The following HRC variants were observed in gnomAD, a reference collection of about 807,000 sequenced individuals.
HRC encodes the protein sarcoplasmic reticulum histidine-rich calcium-binding protein.
HRC carries 41 observed loss-of-function variants against 61.4 expected under a neutral mutation model. The ratio of observed to expected loss-of-function variants is 0.67; its 90% CI spans 0.52 to 0.87. The LOEUF is 0.87. HRC is among the 40% of genes least tolerant of loss of function. The probability of loss-of-function intolerance (pLI) is 0.00; values close to 1 mark genes in which losing one functional copy is unlikely to be tolerated. For synonymous variants in HRC, 308 were observed against 326.6 expected (o/e 0.94, Z 0.62); for missense variants, 839 against 885.8 (o/e 0.95, Z 0.67).
In HRC at chr19:49,155,003, C is replaced by T. The variant is rs1443429946; in HGVS notation, c.235G>A (p.Gly79Arg). ...DENKDVSTEN[G>R]HHFWSHPDRE... ...TCTGGGTGGCTCCAGAAATGATGCCCATTCTCTGTGGAAACATCCTTGTTC... is the reference window on the plus strand; with the variant it reads ...TCTGGGTGGCTCCAGAAATGATGCCTATTCTCTGTGGAAACATCCTTGTTC... The change falls in exon 1 of 6, where the codon GGG (glycine) becomes AGG (arginine). Residue 79 changes from glycine to arginine, a missense_variant. Coordinates refer to ENST00000252825, the MANE Select transcript of HRC (RefSeq NM_002152.3). This position sits in a 1 kb window ranked among gnomAD's most constrained non-coding sequence, Gnocchi z 4.7. The T allele has an allele frequency of 1.2e-6, 2 of 1,614,098 alleles. No homozygotes were observed. The highest frequency in any genetic ancestry group is 3.3e-5 in the Admixed American group (2 of 59,992).
In HRC at chr19:49,154,775, G is replaced by A; in HGVS notation, c.463C>T (p.His155Tyr). The change falls in exon 1 of 6, where the codon CAC (histidine) becomes TAC (tyrosine). Residue 155 changes from histidine to tyrosine, a missense_variant. His to Tyr is a moderately conservative substitution (Grantham distance 83). Coordinates refer to ENST00000252825, the MANE Select transcript of HRC (RefSeq NM_002152.3). Reference protein sequence around the residue: ...SAEHRHHLPSHRSHSHQDEDE... With the variant: ...SAEHRHHLPSYRSHSHQDEDE... ...TCGTCTTGATGGCTGTGGCTCCTGTGGCTGGGGAGGTGGTGCCTGTGCTCA... is the reference window on the plus strand; with the variant it reads ...TCGTCTTGATGGCTGTGGCTCCTGTAGCTGGGGAGGTGGTGCCTGTGCTCA... 1 of 1,613,890 alleles carries A rather than the reference G, an allele frequency of 6.2e-7. No homozygotes were observed. Among genetic ancestry groups the A allele is most frequent in the Non-Finnish European group, 8.5e-7 (1 of 1,179,970 alleles).
chr19:49,152,593 G>A (rs981308427), intron 2 of HRC, among the ~76,000 whole-genome samples: 38 of 150,070 alleles, frequency 2.5e-4, no homozygotes, highest in Middle Eastern at 3.4e-3. Flanking sequence ...TTCTTGAGGC[G>A]GAGTCTCTCT....
chr19:49,151,955 T>G (rs368946949), intron 4 of HRC, 49 bp downstream of exon 4: 47 of 1,583,200 alleles, frequency 3.0e-5, no homozygotes, highest in Non-Finnish European at 3.9e-5. Context: ...TTCACCACGC[T>G]GGGCCCGGCA....
rs748592359 is a variant in HRC, at chr19:49,153,512, C to G, written c.1726G>C (p.Gly576Arg). Residue 576 changes from glycine (G) to arginine (R), a missense_variant, in exon 1 of 6, where the codon GGG (glycine) becomes CGG (arginine). Gly to Arg is a moderately radical substitution (Grantham distance 125). Transcript: ENST00000252825. This position sits in a 1 kb window ranked among gnomAD's most constrained non-coding sequence, Gnocchi z 4.8. ...AAGCGGGGCTCATCTTCCTCCAGCC[C>G]CTCCTCCTCCTCCTCTTCCTCCTCG... ...HSEEEEEEEEGLEEDEPRFTI... is the reference protein window; with the variant it reads ...HSEEEEEEEERLEEDEPRFTI... 2.6e-6 allele frequency: 4 copies of G among 1,526,968 alleles called. No homozygotes were observed. The South Asian group carries it at 5.1e-5, about 19-fold the overall frequency. 94.6% of individuals were successfully genotyped at this position (1,526,968 alleles called of 1,614,324 possible). A position where few individuals can be genotyped will look rare whatever the true frequency, so the allele number is the denominator to read the frequency against.
In HRC at chr19:49,151,249, T is replaced by C; in HGVS notation, c.*47A>G. On this transcript the variant is annotated 3_prime_UTR_variant, in exon 6 of 6. Coordinates refer to ENST00000252825, the MANE Select transcript of HRC (RefSeq NM_002152.3). ...AATAAATATAGCTCGTGGAAAGGGG[T>C]TGGAAGGCAGGGGGAGGTACACCTG... 1 of 1,475,890 alleles carries C rather than the reference T, an allele frequency of 6.8e-7. No homozygotes were observed. The highest frequency in any genetic ancestry group is 9.2e-7 in the Non-Finnish European group (1 of 1,092,840). 91.4% of individuals were successfully genotyped at this position (1,475,890 alleles called of 1,614,324 possible).
chr19:49,155,292 G>A lies in HRC; in HGVS notation c.-55C>T, dbSNP rs1049421351. 5.9e-6 allele frequency: 9 copies of A among 1,525,976 alleles called. No homozygotes were observed. Among genetic ancestry groups the A allele is most frequent in the South Asian group, 3.8e-5 (3 of 78,078 alleles). The allele number at this position is 1,525,976 out of a possible 1,614,324, so 94.5% of individuals were successfully genotyped here. On this transcript the variant is annotated 5_prime_UTR_variant, in exon 1 of 6. The change creates a new upstream start codon in the 5' untranslated region. Coordinates refer to ENST00000252825, the MANE Select transcript of HRC (RefSeq NM_002152.3). This position sits in a 1 kb window ranked among gnomAD's most constrained non-coding sequence, Gnocchi z 4.7. ...TGCCTCTGCGGCAATGTGGACAAAC[G>A]TTGGGGTCTTTGTCCCTTTGGGGTT...
Position 49,153,534 on chromosome 19 carries a change from C to G in HRC, c.1704G>C (p.Glu568Asp). The G allele has an allele frequency of 6.3e-7, 1 of 1,578,838 alleles. No individual in the cohort carries two copies. The highest frequency in any genetic ancestry group is 8.6e-7 in the Non-Finnish European group (1 of 1,162,166). The change falls in exon 1 of 6, where the codon GAG becomes GAC. Residue 568 changes from glutamate (E) to aspartate (D), a missense_variant. By Grantham distance (45) the Glu-to-Asp change is conservative. Transcript: ENST00000252825. The surrounding 1 kb of genome is among the most constrained non-coding windows in gnomAD (Gnocchi z 4.8). ...GCCCCTCCTCCTCCTCCTCTTCCTC[C>G]TCGCTGTGGTCTGGGCTCAGTGGGG... ...VGAPLSPDHS[E>D]EEEEEEEGLE...
chr19:49,154,041 G>A lies in HRC; in HGVS notation c.1197C>T (p.His399=). ...CTTGGAAGTCCTCTTCATCACTCTTGTGGCCTCGAGGTTGGTGGCTTGCAA... is the reference window on the plus strand; with the variant it reads ...CTTGGAAGTCCTCTTCATCACTCTTATGGCCTCGAGGTTGGTGGCTTGCAA... ...HYVASHQPRG[H]KSDEEDFQDE... is the part of the protein sequence containing the mutation. Residue 399 remains histidine, a synonymous_variant, in exon 1 of 6, where the codon CAC becomes CAT. Transcript: ENST00000252825. 6.2e-7 allele frequency: 1 copy of A among 1,614,120 alleles called. No homozygotes were observed. The highest frequency in any genetic ancestry group is 8.5e-7 in the Non-Finnish European group (1 of 1,180,040).
chr19:49,151,539 AGTC>A lies in HRC; in HGVS notation c.2038_2040del (p.Asp680del). The A allele has an allele frequency of 6.2e-7, 1 of 1,613,878 alleles. No individual in the cohort carries two copies. Among genetic ancestry groups the A allele is most frequent in the South Asian group, 1.1e-5 (1 of 91,062 alleles). On this transcript the variant is annotated inframe_deletion, in exon 5 of 6. Transcript: ENST00000252825. The stretch of plus-strand genomic sequence containing the variant: ...TACTGATAAAGGGACGAGGAGAAAT[AGTC>A]AACGTAGCTTCCTGTGGGACAGCAG...
rs761585860 is a variant in HRC, at chr19:49,154,345, CGG to C, written c.891_892del (p.His297GlnfsTer4). 1 of 1,581,986 alleles carries C rather than the reference CGG, an allele frequency of 6.3e-7. No homozygotes were observed. The highest frequency in any genetic ancestry group is 1.7e-5 in the African/African-American group (1 of 57,678). Reference sequence around the variant, plus strand: ...ATCATTGTCATCTTCTTCATGGCTTCGGTGCCTGTGGCTGGGGTCGCGATGAT... The same window carrying C: ...ATCATTGTCATCTTCTTCATGGCTTCTGCCTGTGGCTGGGGTCGCGATGAT... On this transcript the variant is annotated frameshift_variant, in exon 1 of 6. Transcript: ENST00000252825. LOFTEE classifies it high-confidence loss of function.
At position 49,154,069 on chromosome 19, in the gene HRC, T is replaced by C. The variant is rs371551481; in HGVS notation, c.1169A>G (p.Tyr390Cys). Residue 390 changes from tyrosine to cysteine, a missense_variant, in exon 1 of 6, where the codon TAT (tyrosine) becomes TGT (cysteine). By Grantham distance (194) the Tyr-to-Cys change is radical. Transcript: ENST00000252825. Reference protein sequence around the residue: ...EEEITVQFGHYVASHQPRGHK... With the variant: ...EEEITVQFGHCVASHQPRGHK... ...GCCTCGAGGTTGGTGGCTTGCAACA[T>C]AGTGGCCGAACTGGACTGTGATCTC... is the stretch of plus-strand genomic sequence containing the variant. 2 of 1,614,056 alleles carry C rather than the reference T, an allele frequency of 1.2e-6. No homozygotes were observed. Among genetic ancestry groups the C allele is most frequent in the Non-Finnish European group, 1.7e-6 (2 of 1,180,042 alleles).
At chr19:49,151,624 C>G in intron 4 of HRC, 71 bp from the exon 5 acceptor site, 1 of 1,364,066 alleles carries the variant, frequency 7.3e-7, no homozygotes, top group Non-Finnish European at 1.0e-6. Flanking sequence ...CTCAGTATAG[C>G]GTGCGAGATT....
At position 49,155,120 on chromosome 19, in the gene HRC, G is replaced by A. The variant is rs558301743; in HGVS notation, c.118C>T (p.Arg40Trp). 95 of 1,613,946 alleles carry A rather than the reference G, an allele frequency of 5.9e-5. No homozygotes were observed. The highest frequency in any genetic ancestry group is 2.1e-4 in the South Asian group (19 of 91,080). Residue 40 changes from arginine (R) to tryptophan (W), a missense_variant, in exon 1 of 6, where the codon CGG becomes TGG. Physicochemically the swap from Arg to Trp is moderately radical, Grantham distance 101. Transcript: ENST00000252825. This position sits in a 1 kb window ranked among gnomAD's most constrained non-coding sequence, Gnocchi z 4.7. ...LRGDGLGFRN[R>W]NNSTGVAGLS... ...CCGGCGACTCCAGTGCTGTTGTTCC[G>A]GTTTCTGAAGCCTAGCCCATCCCCT... is the stretch of plus-strand genomic sequence containing the variant.
chr19:49,154,313 C>G lies in HRC; in HGVS notation c.925G>C (p.Asp309His), dbSNP rs1188493154. 1 of 1,613,098 alleles carries G rather than the reference C, an allele frequency of 6.2e-7. No homozygotes were observed. The highest frequency in any genetic ancestry group is 1.1e-5 in the South Asian group (1 of 91,018). ...SHEEDDNDDD[D>H]VSTEYGHQAH... ...TGGTGTCCATACTCAGTGGAGACAT[C>G]ATCATCATCATTGTCATCTTCTTCA... is the stretch of plus-strand genomic sequence containing the variant. The change falls in exon 1 of 6, where the codon GAT becomes CAT. Residue 309 changes from aspartate (D) to histidine (H), a missense_variant. Transcript: ENST00000252825.
In HRC at chr19:49,154,526, G is replaced by A; in HGVS notation, c.712C>T (p.His238Tyr). The A allele has an allele frequency of 6.2e-7, 1 of 1,612,632 alleles. No homozygotes were observed. Among genetic ancestry groups the A allele is most frequent in the Non-Finnish European group, 8.5e-7 (1 of 1,179,634 alleles). The change falls in exon 1 of 6, where the codon CAC becomes TAC. Residue 238 changes from histidine to tyrosine, a missense_variant. By Grantham distance (83) the His-to-Tyr change is moderately conservative (BLOSUM62 2). Transcript: ENST00000252825. ...TCTTCTTCATGGCCTTGGTGCCTGT[G>A]GCTGGGGCCATGATGATGGTGTCCA... is the stretch of plus-strand genomic sequence containing the variant. Reference protein sequence around the residue: ...SDGHHHHGPSHRHQGHEEDDD... With the variant: ...SDGHHHHGPSYRHQGHEEDDD...
Position 49,153,271 on chromosome 19 carries a change from G to A in HRC, c.1892C>T (p.Ser631Phe), listed in dbSNP as rs756357006. Residue 631 changes from serine to phenylalanine, a missense_variant, in exon 2 of 6, where the codon TCC becomes TTC. Transcript: ENST00000252825. The surrounding 1 kb of genome is among the most constrained non-coding windows in gnomAD (Gnocchi z 4.8). Reference protein sequence around the residue: ...YQPGSLCGYCSFCNRCTECES... With the variant: ...YQPGSLCGYCFFCNRCTECES... ...GGGCTGGGGACATACATTGCAGAAGGAGCAGTAGCCACACAGGGACCCTGG... is the reference window on the plus strand; with the variant it reads ...GGGCTGGGGACATACATTGCAGAAGAAGCAGTAGCCACACAGGGACCCTGG... The A allele has an allele frequency of 1.6e-5, 25 of 1,612,856 alleles. No individual in the cohort carries two copies. The highest frequency in any genetic ancestry group is 2.1e-5 in the Non-Finnish European group (25 of 1,178,886).
At chr19:49,152,204 G>T (rs1165991539) in intron 3 of HRC, 106 bp downstream of exon 3, 12 of 1,255,042 alleles carry the variant, frequency 9.6e-6, no homozygotes, top group Non-Finnish European at 1.4e-5. Context: ...GTTGCATCAG[G>T]GGTAAGGGGT....
chr19:49,151,897 T>C (rs1190702661), intron 4 of HRC, 107 bp downstream of exon 4: 1 of 1,141,440 alleles, frequency 8.8e-7, no homozygotes, highest in East Asian at 2.5e-5. Context: ...CCTCCCCTCT[T>C]AGCCCCGCCC....
chr19:49,151,652 CT>C, intron 4 of HRC, 99 bp from the exon 5 acceptor site: 2 of 1,056,768 alleles, frequency 1.9e-6, no homozygotes, highest in Non-Finnish European at 2.9e-6. Context: ...GCTCCACCTC[CT>C]TTTCCCTAAT....
Sources: gnomAD v4.1 joint callset for allele counts (sites outside exome capture counted in the v4.1 genomes callset) on GRCh38, gnomAD v4.1.1 for gene constraint, Gnocchi (gnomAD v3.1) non-coding constraint, MANE v1.5 for transcripts, NCBI Gene and HGNC (gene_info 2026-07-23, HGNC 2026-07-21) for gene names.